The following RBFOX1 variants were observed in gnomAD, a reference collection of about 807,000 sequenced individuals.
The protein encoded by RBFOX1 is RNA binding fox-1 homolog 1.
A neutral mutation model predicts 57.7 loss-of-function variants in RBFOX1; 8 were observed. The observed-to-expected ratio is 0.14, with a 90% CI of 0.08 to 0.25. RBFOX1 has a LOEUF of 0.25. RBFOX1 is among the 10% of genes least tolerant of loss of function. RBFOX1 has a pLI of 1.00. For synonymous variants in RBFOX1, 326 were observed against 222.4 expected, an observed-to-expected ratio of 1.47 and a Z score of -4.15; for missense variants, 611 against 548.5, an observed-to-expected ratio of 1.11 and a Z score of -1.14.
intron 4 of RBFOX1, among the ~76,000 whole-genome samples, chr16:5,908,157 C>CATATATACACATATATACACAT (rs2058514266): frequency 2.4e-5 from 3 of 123,164 alleles, no homozygotes; most frequent in Admixed American, 7.9e-5. Flanking sequence ...CATATATACA[C>CATATATACACATATATACACAT]ATATATATAC....
At chr16:5,349,871 C>G (rs920663357) in intron 1 of RBFOX1, among the ~76,000 whole-genome samples, 1 of 152,220 alleles carries the variant, frequency 6.6e-6, no homozygotes, top group Non-Finnish European at 1.5e-5. Context: ...AGCAGTCTCT[C>G]TCCCTGGCCA....
intron 2 of RBFOX1, among the ~76,000 whole-genome samples, chr16:6,608,334 A>G (rs1220302504): frequency 6.6e-6 from 1 of 152,188 alleles, no homozygotes; most frequent in Non-Finnish European, 1.5e-5. Flanking sequence ...TGAGCCAGAA[A>G]GACTGGCTTA....
intron 2 of RBFOX1, among the ~76,000 whole-genome samples, chr16:5,584,175 C>T (rs1301321115): frequency 2.0e-5 from 3 of 152,306 alleles, no homozygotes; most frequent in Middle Eastern, 3.4e-3. Flanking sequence ...TTTTAGTGTT[C>T]TCCCTTGTGA....
chr16:6,064,994 G>C (rs1284908836), intron 1 of RBFOX1, among the ~76,000 whole-genome samples: 1 of 151,238 alleles, frequency 6.6e-6, no homozygotes, highest in Non-Finnish European at 1.5e-5. Context: ...CTACGTGACT[G>C]TTTTTCTATA....
chr16:5,375,600 C>T (rs186316490), intron 1 of RBFOX1, among the ~76,000 whole-genome samples: 5 of 152,272 alleles, frequency 3.3e-5, no homozygotes, highest in Admixed American at 2.0e-4. Context: ...TGAATATGGA[C>T]GCTGATACTG....
chr16:6,916,198 G>A (rs1212435544), intron 3 of RBFOX1, among the ~76,000 whole-genome samples: 1 of 152,114 alleles, frequency 6.6e-6, no homozygotes, highest in Non-Finnish European at 1.5e-5. Flanking sequence ...AATAAAGTAG[G>A]AATCAGGAGG....
intron 2 of RBFOX1, among the ~76,000 whole-genome samples, chr16:6,339,679 A>T (rs1281309301): frequency 6.6e-6 from 1 of 150,586 alleles, no homozygotes; most frequent in Non-Finnish European, 1.5e-5. Context: ...ATTTTATTTT[A>T]TTTTATTTTT....
rs191993474 is a variant in RBFOX1, at chr16:5,918,433, T to G, written c.351+51098T>G. 6.6e-5 allele frequency among the ~76,000 whole-genome samples: 10 copies of G among 152,300 alleles called. No individual in the cohort carries two copies. The East Asian group carries it at 1.9e-3, about 29-fold the overall frequency. ...CCACGCCCAGCCAGTTTTACCTTTT[T>G]CCACCAACACCGGTGTGTGTGCAAC... is the stretch of plus-strand genomic sequence containing the variant. On this transcript the variant is annotated intron_variant, in intron 4 of 19. Transcript: ENST00000641259.
chr16:6,761,262 C>A (rs945792932), intron 3 of RBFOX1, among the ~76,000 whole-genome samples: 29 of 151,938 alleles, frequency 1.9e-4, no homozygotes, highest in African/African-American at 6.8e-4. Flanking sequence ...TTAATCCGTC[C>A]GAAGGGCTAA....
intron 3 of RBFOX1, among the ~76,000 whole-genome samples, chr16:5,677,179 C>T (rs963454318): frequency 4.6e-5 from 7 of 152,212 alleles, no homozygotes; most frequent in African/African-American, 1.4e-4. Flanking sequence ...ACTATGACAG[C>T]TTCTCTTGCT....
Position 7,418,211 on chromosome 16 carries a change from A to C in RBFOX1, c.28-99936A>C, listed in dbSNP as rs1195100039. Among the ~76,000 whole-genome samples the C allele has an allele frequency of 2.0e-5, 3 of 152,216 alleles. No homozygotes were observed. In the East Asian group the frequency reaches 5.8e-4, roughly 29 times the overall value. On this transcript the variant is annotated intron_variant, in intron 4 of 15. Coordinates refer to ENST00000550418, the MANE Select transcript of RBFOX1 (RefSeq NM_018723.4). ...CATAGTTTCCACCCCAGAAGCCTCC[A>C]TGCCCCATACTGGTTAAAAAGTTAT...
intron 2 of RBFOX1, among the ~76,000 whole-genome samples, chr16:6,420,746 C>A (rs2152988249): frequency 6.6e-6 from 1 of 152,296 alleles, no homozygotes; most frequent in East Asian, 1.9e-4. Flanking sequence ...GAACCAATAT[C>A]AGTGCAGAGA....
intron 12 of RBFOX1, among the ~76,000 whole-genome samples, chr16:7,660,116 G>C (rs891001583): frequency 1.3e-5 from 2 of 152,098 alleles, no homozygotes; most frequent in South Asian, 2.1e-4. Context: ...TATTACACGA[G>C]CAGATTGTAT....
intron 3 of RBFOX1, among the ~76,000 whole-genome samples, chr16:6,858,585 G>T (rs927994350): frequency 1.3e-5 from 2 of 152,128 alleles, no homozygotes; most frequent in African/African-American, 4.8e-5. Context: ...AGAGTTTTCT[G>T]AGAATGATTT....
chr16:7,215,793 C>T (rs952530710), intron 4 of RBFOX1, among the ~76,000 whole-genome samples: 10 of 146,370 alleles, frequency 6.8e-5, no homozygotes, highest in Non-Finnish European at 1.0e-4. Flanking sequence ...GGCGTGATCT[C>T]GGCTCACTGC....
chr16:7,328,922 C>A (rs1331116891), intron 4 of RBFOX1: 1 of 152,082 alleles, frequency 6.6e-6, no homozygotes, highest in Non-Finnish European at 1.5e-5. Context: ...TTTGTATAAT[C>A]TTCGAGGTAA....
chr16:6,251,308 G>A (rs1301352968), intron 1 of RBFOX1, among the ~76,000 whole-genome samples: 1 of 152,194 alleles, frequency 6.6e-6, no homozygotes, highest in South Asian at 2.1e-4. Flanking sequence ...ATATTAAACT[G>A]GGGGGAAGCC....
chr16:5,805,905 T>A (rs970710576), intron 3 of RBFOX1, among the ~76,000 whole-genome samples: 3 of 152,136 alleles, frequency 2.0e-5, no homozygotes, highest in Non-Finnish European at 2.9e-5. Flanking sequence ...ATAGAGTGGA[T>A]AAGGACAGAG....
intron 4 of RBFOX1, among the ~76,000 whole-genome samples, chr16:5,889,413 CT>C (rs1330535068): frequency 1.5e-4 from 23 of 152,228 alleles, no homozygotes; most frequent in Non-Finnish European, 2.8e-4. Flanking sequence ...TGTTTTATGG[CT>C]GCATAGTATT....
Sources: gnomAD v4.1 joint callset for allele counts (sites outside exome capture counted in the v4.1 genomes callset) on GRCh38, gnomAD v4.1.1 for gene constraint, MANE v1.5 for transcripts, NCBI Gene and HGNC (gene_info 2026-07-23, HGNC 2026-07-21) for gene names.